Variants in COP1 observed in about 807,000 individuals in gnomAD.
The protein encoded by COP1 is E3 ubiquitin-protein ligase COP1.
Under a neutral mutation model 101.3 loss-of-function variants are expected in COP1, and 24 were observed. The ratio of observed to expected loss-of-function variants is 0.24; its 90% CI spans 0.17 to 0.33. COP1 has a LOEUF of 0.33. Among genes scored for constraint, COP1 ranks in the 10% least tolerant of loss-of-function variants. The probability of loss-of-function intolerance (pLI) is 1.00; values close to 1 mark genes in which losing one functional copy is unlikely to be tolerated. For missense variants in COP1, 663 were observed against 906.2 expected (o/e 0.73, Z 3.45); for synonymous variants, 347 against 341.9 (o/e 1.01, Z -0.17).
At chr1:176,035,106 A>C (rs1301439008) in intron 14 of COP1, among the ~76,000 whole-genome samples, 2 of 152,246 alleles carry the variant, frequency 1.3e-5, no homozygotes, top group Non-Finnish European at 2.9e-5. Flanking sequence ...CAATTAACAA[A>C]GGTCAGTCCT....
intron 3 of COP1, among the ~76,000 whole-genome samples, chr1:176,170,281 G>A (rs1284828417): frequency 6.6e-6 from 1 of 152,154 alleles, no homozygotes; most frequent in Non-Finnish European, 1.5e-5. Context: ...ATCTAGAATG[G>A]TGAATCCTTT....
chr1:176,206,882 AG>A lies in COP1; in HGVS notation c.96del (p.Ser33LeufsTer67). On this transcript the variant is annotated frameshift_variant, in exon 1 of 20. Transcript: ENST00000367669. LOFTEE classifies it high-confidence loss of function. ...GCCACGGAAGGCGGCGACGGGGAAG[AG>A]GATAAAGACGAGGAGGCGGAAGTCA... ...SSVTSASSSL[S>X]SSPSPPSVAV... 6.9e-7 allele frequency: 1 copy of A among 1,447,926 alleles called. No individual in the cohort carries two copies. The highest frequency in any genetic ancestry group is 9.1e-7 in the Non-Finnish European group (1 of 1,104,334). 89.7% of individuals were successfully genotyped at this position (1,447,926 alleles called of 1,614,324 possible).
At position 175,956,791 on chromosome 1, in the gene COP1, A is replaced by C. The variant is rs140709396; in HGVS notation, c.2134-9552T>G. 3.7e-4 allele frequency among the ~76,000 whole-genome samples: 57 copies of C among 152,304 alleles called. 1 individual carries two copies. In the East Asian group the frequency reaches 0.011, roughly 29 times the overall value. Reference sequence around the variant, plus strand: ...CTTCTACTTATTAACAAAAAAAGTTACTGTAAAATAGGCTCAGGCAGGTCC... The same window carrying C: ...CTTCTACTTATTAACAAAAAAAGTTCCTGTAAAATAGGCTCAGGCAGGTCC... On this transcript the variant is annotated intron_variant, in intron 18 of 19. Transcript: ENST00000367669.
intron 9 of COP1, among the ~76,000 whole-genome samples, chr1:176,095,809 C>T (rs1205971939): frequency 6.6e-6 from 1 of 152,128 alleles, no homozygotes; most frequent in Non-Finnish European, 1.5e-5. Flanking sequence ...AGCACCAAAT[C>T]CGACTGGTAG....
intron 11 of COP1, among the ~76,000 whole-genome samples, chr1:176,066,938 T>TC: frequency 6.6e-6 from 1 of 152,138 alleles, no homozygotes; most frequent in Non-Finnish European, 1.5e-5. Context: ...TATCCAACTT[T>TC]CCCAGGGACA....
intron 15 of COP1, among the ~76,000 whole-genome samples, chr1:176,006,400 G>A (rs541909203): frequency 4.7e-4 from 71 of 152,218 alleles, no homozygotes; most frequent in African/African-American, 1.5e-3. Flanking sequence ...TATGATGTTA[G>A]CTGGTTATTT....
At chr1:176,164,041 TATTTC>T in intron 3 of COP1, 150 bp from the exon 4 acceptor site, 1 of 510,950 alleles carries the variant, frequency 2.0e-6, no homozygotes, top group Non-Finnish European at 3.5e-6. Context: ...CTTTTTATTT[TATTTC>T]AAGTTAGAAA....
chr1:176,123,552 T>C (rs1687493950), intron 8 of COP1, among the ~76,000 whole-genome samples: 1 of 152,078 alleles, frequency 6.6e-6, no homozygotes, highest in Admixed American at 6.6e-5. Flanking sequence ...AGCATATAAA[T>C]GGAATTAACA....
chr1:176,066,275 C>T (rs149785051), intron 11 of COP1, among the ~76,000 whole-genome samples: 12 of 152,138 alleles, frequency 7.9e-5, no homozygotes, highest in African/African-American at 2.9e-4. Flanking sequence ...ACCTCTTCAG[C>T]CCCCATGCCC....
intron 18 of COP1, among the ~76,000 whole-genome samples, chr1:175,986,193 G>C (rs1410810417): frequency 6.6e-6 from 1 of 152,006 alleles, no homozygotes; most frequent in Non-Finnish European, 1.5e-5. Context: ...CTAATTTTTT[G>C]TATTTTTAGT....
intron 18 of COP1, 142 bp downstream of exon 18, chr1:175,986,801 A>G: frequency 3.4e-6 from 2 of 587,784 alleles, no homozygotes; most frequent in South Asian, 2.8e-5. Context: ...TAAAATGCCT[A>G]TTGTCTTTGG....
At chr1:176,064,337 C>G (rs1213491458) in intron 11 of COP1, among the ~76,000 whole-genome samples, 1 of 152,166 alleles carries the variant, frequency 6.6e-6, no homozygotes. Flanking sequence ...AATGGACACA[C>G]TAGCATTTCC....
chr1:176,029,855 T>C (rs754110713), intron 14 of COP1, among the ~76,000 whole-genome samples: 17 of 152,224 alleles, frequency 1.1e-4, no homozygotes, highest in South Asian at 4.1e-4. Flanking sequence ...AAATTAATCA[T>C]TATCAAAAAA....
At chr1:176,070,671 A>T (rs1373329371) in intron 11 of COP1, among the ~76,000 whole-genome samples, 2 of 152,130 alleles carry the variant, frequency 1.3e-5, no homozygotes, top group Non-Finnish European at 2.9e-5. Context: ...CAAAAAAAAT[A>T]AAACAAAAAA....
chr1:176,072,352 CAT>C (rs1677146275), intron 11 of COP1, among the ~76,000 whole-genome samples: 1 of 152,188 alleles, frequency 6.6e-6, no homozygotes, highest in Non-Finnish European at 1.5e-5. Context: ...TATTTACAGA[CAT>C]AGGAATATGC....
Position 176,114,173 on chromosome 1 carries a change from C to T in COP1, c.1026+2451G>A, listed in dbSNP as rs138240390. 2.9e-3 allele frequency among the ~76,000 whole-genome samples: 436 copies of T among 152,148 alleles called. 3 individuals carry two copies. The highest frequency in any genetic ancestry group is 9.2e-3 in the African/African-American group (383 of 41,512). On this transcript the variant is annotated intron_variant, in intron 9 of 19. Transcript: ENST00000367669. ...ACTGCTATTCTCTCTCAAGTTCCTA[C>T]GGTATATTTCAATTTAAGGCTTTAA...
At chr1:176,001,711 G>A (rs1661648762) in intron 15 of COP1, among the ~76,000 whole-genome samples, 1 of 151,928 alleles carries the variant, frequency 6.6e-6, no homozygotes. Context: ...CTACTTTGTG[G>A]ACTTACATTA....
intron 11 of COP1, among the ~76,000 whole-genome samples, chr1:176,071,623 A>G (rs565290904): frequency 3.3e-4 from 51 of 152,354 alleles, no homozygotes; most frequent in Admixed American, 7.8e-4. Context: ...TAAAATGGCT[A>G]GAATTTGGTT....
intron 10 of COP1, among the ~76,000 whole-genome samples, chr1:176,083,822 G>A (rs999025047): frequency 1.3e-5 from 2 of 152,180 alleles, no homozygotes; most frequent in Non-Finnish European, 2.9e-5. Context: ...GGTACTAGGA[G>A]GAACTTACAA....
Sources: gnomAD v4.1 joint callset for allele counts (sites outside exome capture counted in the v4.1 genomes callset) on GRCh38, gnomAD v4.1.1 for gene constraint, MANE v1.5 for transcripts, NCBI Gene and HGNC (gene_info 2026-07-23, HGNC 2026-07-21) for gene names.